Variants in BPTF observed in about 807,000 individuals in gnomAD.
The protein encoded by BPTF is bromodomain PHD finger transcription factor, also known as nucleosome-remodeling factor subunit BPTF.
A neutral mutation model predicts 292.5 loss-of-function variants in BPTF; 18 were observed. That is an observed-to-expected ratio of 0.06 (90% confidence interval 0.04 to 0.09). BPTF has a LOEUF of 0.09. Ranked by LOEUF, BPTF falls within the 10% of genes least tolerant of loss-of-function variation. The probability of loss-of-function intolerance (pLI) is 1.00; values close to 1 mark genes in which losing one functional copy is unlikely to be tolerated. For missense variants in BPTF, 2,726 were observed against 3,498.7 expected (o/e 0.78, Z 5.57); for synonymous variants, 1,225 against 1,251.9 (o/e 0.98, Z 0.45).
chr17:67,837,872 A>G (rs2057255219), intron 1 of BPTF, among the ~76,000 whole-genome samples: 1 of 152,140 alleles, frequency 6.6e-6, no homozygotes, highest in African/African-American at 2.4e-5. Flanking sequence ...TTACCTCCCA[A>G]ATGGCAGGAT....
chr17:67,855,639 G>A (rs938565916), intron 2 of BPTF, among the ~76,000 whole-genome samples: 1 of 152,142 alleles, frequency 6.6e-6, no homozygotes, highest in African/African-American at 2.4e-5. Context: ...ACAGTCTCAG[G>A]GTTTACCTCA....
intron 16 of BPTF, 64 bp downstream of exon 16, chr17:67,928,665 G>C: frequency 1.3e-6 from 2 of 1,490,838 alleles, no homozygotes; most frequent in Non-Finnish European, 9.0e-7. Context: ...CAACCCTTTA[G>C]CTACTGAAAT....
chr17:67,945,879 C>G lies in BPTF; in HGVS notation c.7171C>G (p.Pro2391Ala), dbSNP rs1555674797. 1 of 1,614,186 alleles carries G rather than the reference C, an allele frequency of 6.2e-7. No individual in the cohort carries two copies. Among genetic ancestry groups the G allele is most frequent in the Non-Finnish European group, 8.5e-7 (1 of 1,180,038 alleles). ...TSLQIPSQGQ[P>A]QSQPQVQSST... ...TCTTCAGATACCTTCCCAAGGCCAG[C>G]CACAGTCACAACCCCAGGTACAGTC... The change falls in exon 21 of 28, where the codon CCA becomes GCA. Residue 2391 changes from proline to alanine, a missense_variant. Coordinates refer to ENST00000306378, the MANE Select transcript of BPTF (RefSeq NM_182641.4).
chr17:67,983,766 A>G lies in BPTF; in HGVS notation c.*1478A>G, dbSNP rs141552059. 224 of 152,770 alleles carry G rather than the reference A, an allele frequency of 1.5e-3. No individual in the cohort carries two copies. The highest frequency in any genetic ancestry group is 5.2e-3 in the African/African-American group (215 of 41,578). 9.5% of individuals were successfully genotyped at this position (152,770 alleles called of 1,614,324 possible). On this transcript the variant is annotated 3_prime_UTR_variant, in exon 28 of 28. Transcript: ENST00000306378. ...TAGCTTTGTCCTACCAACTTCTGGA[A>G]TTTATCTAATTATTGTTTTTCAAAG...
chr17:67,910,990 G>A lies in BPTF; in HGVS notation c.3106G>A (p.Val1036Ile). The A allele has an allele frequency of 6.2e-7, 1 of 1,614,016 alleles. No individual in the cohort carries two copies. The highest frequency in any genetic ancestry group is 1.3e-5 in the African/African-American group (1 of 75,018). The change falls in exon 11 of 28, where the codon GTA becomes ATA. Residue 1036 changes from valine to isoleucine, a missense_variant. Physicochemically the swap from Val to Ile is conservative, Grantham distance 29. Around this residue, in one of 22 missense-constraint regions of BPTF, gnomAD observed 713 missense variants for 714.9 expected, o/e 1.00. Coordinates refer to ENST00000306378, the MANE Select transcript of BPTF (RefSeq NM_182641.4). ...SHVNCQESSQ[V>I]DVVNVSEGFH... Reference sequence around the variant, plus strand: ...TGTAAATTGTCAGGAGAGTTCTCAAGTAGATGTGGTCAATGTTAGTGAGGG... The same window carrying A: ...TGTAAATTGTCAGGAGAGTTCTCAAATAGATGTGGTCAATGTTAGTGAGGG...
At chr17:67,978,518 C>G (rs2069859598) in intron 27 of BPTF, among the ~76,000 whole-genome samples, 1 of 151,288 alleles carries the variant, frequency 6.6e-6, no homozygotes, top group South Asian at 2.1e-4. Context: ...AAGCCGGTCT[C>G]AAACTGCAGA....
At chr17:67,900,806 T>A (rs1598519489) in intron 7 of BPTF, among the ~76,000 whole-genome samples, 4 of 152,006 alleles carry the variant, frequency 2.6e-5, no homozygotes, top group African/African-American at 9.7e-5. Flanking sequence ...AGTGAGAAGT[T>A]TGAGACCATC....
chr17:67,897,341 C>CAAAAAAAA lies in BPTF; in HGVS notation c.2543+3199_2543+3206dup, dbSNP rs750678904. On this transcript the variant is annotated intron_variant, in intron 7 of 27. Transcript: ENST00000306378. ...AGGCAACAAGAGTGAAACTCTGTCT[C>CAAAAAAAA]AAAAAAAAAAAAAAAAAAAAAAAAA... Among the ~76,000 whole-genome samples the CAAAAAAAA allele has an allele frequency of 3.3e-3, 58 of 17,766 alleles. 1 individual carries two copies. Among genetic ancestry groups the CAAAAAAAA allele is most frequent in the African/African-American group, 5.5e-3 (54 of 9,904 alleles). The allele number at this position is 17,766 out of a possible 152,430, so 11.7% of individuals were successfully genotyped here. A position where few individuals can be genotyped will look rare whatever the true frequency, so the allele number is the denominator to read the frequency against.
Position 67,920,141 on chromosome 17 carries a change from A to G in BPTF, c.5555A>G (p.Lys1852Arg). The change falls in exon 13 of 28, where the codon AAA (lysine) becomes AGA (arginine). Residue 1852 changes from lysine to arginine, a missense_variant and splice_region_variant. Lys to Arg is a conservative substitution (Grantham distance 26). Coordinates refer to ENST00000306378, the MANE Select transcript of BPTF (RefSeq NM_182641.4). ...CCCATTGGAGTTCCAGAAACACCAA[A>G]AGGTAAGAAATAGAATTCTATTCTT... ...ICPIGVPETP[K>R]ETPTPQRKGL... 2 of 1,610,014 alleles carry G rather than the reference A, an allele frequency of 1.2e-6. No homozygotes were observed. The highest frequency in any genetic ancestry group is 1.7e-6 in the Non-Finnish European group (2 of 1,177,318).
In BPTF at chr17:67,912,080, G is replaced by A; in HGVS notation, c.4196G>A (p.Gly1399Glu). Residue 1399 changes from glycine (G) to glutamate (E), a missense_variant, in exon 11 of 28, where the codon GGA becomes GAA. Transcript: ENST00000306378. ...GAAAATCGAGAGTCTGAAAAGAAAGGACAGAGAACAAGTACATTTCAAATA... is the reference window on the plus strand; with the variant it reads ...GAAAATCGAGAGTCTGAAAAGAAAGAACAGAGAACAAGTACATTTCAAATA... ...NNENRESEKK[G>E]QRTSTFQING... 1 of 1,609,790 alleles carries A rather than the reference G, an allele frequency of 6.2e-7. No individual in the cohort carries two copies. Among genetic ancestry groups the A allele is most frequent in the Non-Finnish European group, 8.5e-7 (1 of 1,178,734 alleles).
intron 11 of BPTF, among the ~76,000 whole-genome samples, chr17:67,916,957 G>A (rs2063048327): frequency 6.6e-6 from 1 of 151,884 alleles, no homozygotes; most frequent in Non-Finnish European, 1.5e-5. Context: ...GATATATAGT[G>A]AATTCCATTT....
intron 3 of BPTF, among the ~76,000 whole-genome samples, chr17:67,873,138 G>A (rs73350894): frequency 0.017 from 2,633 of 152,080 alleles, 76 homozygotes; most frequent in African/African-American, 0.061. Flanking sequence ...AATCCAAGAG[G>A]AGTACTGTGG....
intron 2 of BPTF, among the ~76,000 whole-genome samples, chr17:67,856,848 G>A (rs560058396): frequency 5.3e-5 from 8 of 152,270 alleles, no homozygotes; most frequent in African/African-American, 1.7e-4. Context: ...ACAACTGAGC[G>A]TGGTTTCTGC....
intron 3 of BPTF, among the ~76,000 whole-genome samples, chr17:67,869,056 T>C (rs2059553528): frequency 6.6e-6 from 1 of 152,118 alleles, no homozygotes; most frequent in Non-Finnish European, 1.5e-5. Context: ...TCCGTCTTAC[T>C]CTCCCCCCAT....
intron 7 of BPTF, among the ~76,000 whole-genome samples, chr17:67,897,794 A>C (rs1443322790): frequency 6.6e-6 from 1 of 152,250 alleles, no homozygotes; most frequent in African/African-American, 2.4e-5. Context: ...TTTCTACCAG[A>C]ATAGAAAAAG....
chr17:67,954,436 G>A (rs115274960), intron 23 of BPTF, among the ~76,000 whole-genome samples: 2,454 of 152,100 alleles, frequency 0.016, 63 homozygotes, highest in African/African-American at 0.052. Flanking sequence ...CTCTCCCAAA[G>A]CCCAGTGGAG....
At chr17:67,974,187 A>T (rs1031303618) in intron 26 of BPTF, 3 of 152,162 alleles carry the variant, frequency 2.0e-5, no homozygotes, top group Non-Finnish European at 4.4e-5. Context: ...GTCAAATTGT[A>T]TACAGAATTT....
Position 67,909,481 on chromosome 17 carries a change from T to G in BPTF, c.2813-101T>G, listed in dbSNP as rs535434727. 7 of 760,626 alleles carry G rather than the reference T, an allele frequency of 9.2e-6. No homozygotes were observed. In the Admixed American group the frequency reaches 1.5e-4, roughly 16 times the overall value. The allele number at this position is 760,626 out of a possible 1,614,324, so 47.1% of individuals were successfully genotyped here. A position where few individuals can be genotyped will look rare whatever the true frequency, so the allele number is the denominator to read the frequency against. ...TTTTTTTAAATGAAAAAATGAAACA[T>G]AACTTGCTGGAAATTACTTGTTTAT... On this transcript the variant is annotated intron_variant, in intron 9 of 27. Transcript: ENST00000306378.
In BPTF at chr17:67,890,479, T is replaced by C. The variant is rs1201413932; in HGVS notation, c.1865-1365T>C. 2.0e-4 allele frequency among the ~76,000 whole-genome samples: 30 copies of C among 152,202 alleles called. 1 individual carries two copies. On this transcript the variant is annotated intron_variant, in intron 4 of 27. Transcript: ENST00000306378. ...AAAGCAAAGACCCCTTCTCCATCTC[T>C]GGATTTTAAAAACTGGAAAAGGATG... is the stretch of plus-strand genomic sequence containing the variant.
Sources: gnomAD v4.1 joint callset for allele counts (sites outside exome capture counted in the v4.1 genomes callset) on GRCh38, gnomAD v4.1.1 for gene constraint, gnomAD v4.1.1 regional missense constraint, MANE v1.5 for transcripts, NCBI Gene and HGNC (gene_info 2026-07-23, HGNC 2026-07-21) for gene names.